Variants in C8orf34 observed in about 807,000 individuals in gnomAD.
C8orf34 encodes chromosome 8 open reading frame 34.
In C8orf34, 65 loss-of-function variants were observed where a neutral mutation model predicts 68.3. The ratio of observed to expected loss-of-function variants is 0.95; its 90% CI spans 0.78 to 1.17. The LOEUF (loss-of-function observed/expected upper bound fraction) is 1.17, where lower values mean the gene tolerates loss of function less well. Among genes scored for constraint, C8orf34 ranks in the 50% most tolerant of loss-of-function variants. The probability of loss-of-function intolerance (pLI) is 0.00; values close to 1 mark genes in which losing one functional copy is unlikely to be tolerated. For synonymous variants in C8orf34, 244 were observed against 241.2 expected (o/e 1.01, Z -0.11); for missense variants, 664 against 655.4 (o/e 1.01, Z -0.14).
At chr8:68,395,796 A>G (rs1808680273) in intron 1 of C8orf34, among the ~76,000 whole-genome samples, 1 of 152,078 alleles carries the variant, frequency 6.6e-6, no homozygotes, top group Admixed American at 6.6e-5. Context: ...AGGAAACGAA[A>G]TCAACTTCAA....
chr8:68,587,070 T>C (rs1279903660), intron 7 of C8orf34, among the ~76,000 whole-genome samples: 1 of 152,072 alleles, frequency 6.6e-6, no homozygotes, highest in Non-Finnish European at 1.5e-5. Context: ...TCAGGTAAAT[T>C]TGATGACAGG....
Position 68,774,354 on chromosome 8 carries a change from A to ATATATATATAT in C8orf34, c.1405-2045_1405-2044insTATATATATAT, listed in dbSNP as rs1344573894. 1.7e-3 allele frequency among the ~76,000 whole-genome samples: 189 copies of ATATATATATAT among 111,282 alleles called. 2 individuals are homozygous for ATATATATATAT. Among genetic ancestry groups the ATATATATATAT allele is most frequent in the African/African-American group, 0.01 (186 of 17,880 alleles). 73.0% of individuals were successfully genotyped at this position (111,282 alleles called of 152,430 possible). Reference sequence around the variant, plus strand: ...GTGTATATATATATATATATAAAATAAACAAAAAAATAAACAGTTTATCTG... The same window carrying ATATATATATAT: ...GTGTATATATATATATATATAAAATATATATATATATAACAAAAAAATAAACAGTTTATCTG... On this transcript the variant is annotated intron_variant, in intron 10 of 13. Transcript: ENST00000518698.
chr8:68,584,637 GGT>G (rs1440759877), intron 7 of C8orf34, among the ~76,000 whole-genome samples: 3 of 152,106 alleles, frequency 2.0e-5, no homozygotes, highest in Admixed American at 2.0e-4. Context: ...AAACCCGGCA[GGT>G]GGAGTGTTCT....
At chr8:68,488,476 G>C (rs1358345749) in intron 5 of C8orf34, among the ~76,000 whole-genome samples, 1 of 152,118 alleles carries the variant, frequency 6.6e-6, no homozygotes, top group Non-Finnish European at 1.5e-5. Context: ...GATGCCAAGA[G>C]ACTATGATGG....
intron 9 of C8orf34, among the ~76,000 whole-genome samples, chr8:68,720,903 G>A (rs918239803): frequency 2.6e-5 from 4 of 151,192 alleles, no homozygotes; most frequent in East Asian, 1.9e-4. Context: ...AATAATATGC[G>A]CCCCTCTCTG....
At chr8:68,711,907 A>G (rs1372261147) in intron 9 of C8orf34, among the ~76,000 whole-genome samples, 1 of 152,194 alleles carries the variant, frequency 6.6e-6, no homozygotes, top group Non-Finnish European at 1.5e-5. Context: ...AGTCAAGATG[A>G]AGGAAAAAAT....
At chr8:68,780,201 C>A (rs956278056) in intron 11 of C8orf34, among the ~76,000 whole-genome samples, 1 of 152,188 alleles carries the variant, frequency 6.6e-6, no homozygotes, top group African/African-American at 2.4e-5. Context: ...CCACTTTCTA[C>A]AAATTCCATA....
At chr8:68,543,250 T>A (rs1231196133) in intron 7 of C8orf34, among the ~76,000 whole-genome samples, 2 of 152,136 alleles carry the variant, frequency 1.3e-5, no homozygotes, top group Admixed American at 1.3e-4. Context: ...TGTAATTCAA[T>A]ATAGGCTAAT....
chr8:68,521,796 C>A lies in C8orf34; in HGVS notation c.766-3C>A. ...AGACAGCATATTCTTTTCTTCTCTT[C>A]AGGAAACAGTGACATTTAATTCTTC... On this transcript the variant is annotated splice_polypyrimidine_tract_variant and splice_region_variant and intron_variant, in intron 5 of 13. Coordinates refer to ENST00000518698, the MANE Select transcript of C8orf34 (RefSeq NM_052958.4). 8.1e-6 allele frequency: 13 copies of A among 1,609,654 alleles called. No homozygotes were observed. Among genetic ancestry groups the A allele is most frequent in the Non-Finnish European group, 1.1e-5 (13 of 1,177,672 alleles).
At chr8:68,577,852 A>C (rs1490842653) in intron 7 of C8orf34, among the ~76,000 whole-genome samples, 1 of 151,942 alleles carries the variant, frequency 6.6e-6, no homozygotes, top group Non-Finnish European at 1.5e-5. Context: ...CTTAAAAAAA[A>C]ACTTTCTGTG....
chr8:68,662,211 C>T (rs1303583131), intron 8 of C8orf34, among the ~76,000 whole-genome samples: 1 of 152,088 alleles, frequency 6.6e-6, no homozygotes, highest in African/African-American at 2.4e-5. Flanking sequence ...TAAAAAATCT[C>T]TCAGGTAATA....
intron 7 of C8orf34, among the ~76,000 whole-genome samples, chr8:68,559,135 G>T (rs1816343487): frequency 6.6e-6 from 1 of 152,158 alleles, no homozygotes; most frequent in African/African-American, 2.4e-5. Flanking sequence ...TATTCTGCTG[G>T]TTGTAGGAAT....
chr8:68,425,258 A>G (rs1810160368), intron 1 of C8orf34, among the ~76,000 whole-genome samples: 1 of 152,190 alleles, frequency 6.6e-6, no homozygotes, highest in South Asian at 2.1e-4. Context: ...TTGCTATTCA[A>G]CATATTTCTG....
intron 7 of C8orf34, among the ~76,000 whole-genome samples, chr8:68,637,216 C>T (rs1818872892): frequency 6.6e-6 from 1 of 152,108 alleles, no homozygotes; most frequent in Non-Finnish European, 1.5e-5. Flanking sequence ...AGTAGTATCA[C>T]TTATAGTTTC....
intron 12 of C8orf34, among the ~76,000 whole-genome samples, chr8:68,795,656 T>G (rs1383594745): frequency 6.6e-6 from 1 of 152,200 alleles, no homozygotes; most frequent in Non-Finnish European, 1.5e-5. Context: ...AACACTCAAG[T>G]AGTTTTTAAC....
intron 2 of C8orf34, 31 bp downstream of exon 2, chr8:68,439,677 G>C: frequency 6.3e-7 from 1 of 1,582,064 alleles, no homozygotes; most frequent in African/African-American, 1.4e-5. Flanking sequence ...CAGTTAATTT[G>C]GGATTCATTT....
chr8:68,511,330 G>T (rs959628034), intron 5 of C8orf34, among the ~76,000 whole-genome samples: 1 of 152,284 alleles, frequency 6.6e-6, no homozygotes, highest in East Asian at 1.9e-4. Flanking sequence ...CCCTACTGCT[G>T]TGTCATTCCC....
At chr8:68,359,161 T>A (rs1370630851) in intron 1 of C8orf34, among the ~76,000 whole-genome samples, 1 of 152,120 alleles carries the variant, frequency 6.6e-6, no homozygotes, top group African/African-American at 2.4e-5. Context: ...ATGCACAATA[T>A]TATTATTGCT....
intron 8 of C8orf34, among the ~76,000 whole-genome samples, chr8:68,699,509 G>A (rs1286508729): frequency 6.6e-6 from 1 of 152,068 alleles, no homozygotes; most frequent in African/African-American, 2.4e-5. Flanking sequence ...CCCCAGGGTT[G>A]TCCTTTGTGC....
Sources: gnomAD v4.1 joint callset for allele counts (sites outside exome capture counted in the v4.1 genomes callset) on GRCh38, gnomAD v4.1.1 for gene constraint, MANE v1.5 for transcripts, NCBI Gene and HGNC (gene_info 2026-07-23, HGNC 2026-07-21) for gene names.